The following ERC2 variants were observed in gnomAD, a reference collection of about 807,000 sequenced individuals.
ERC2 encodes the protein ERC protein 2.
ERC2 carries 42 observed loss-of-function variants against 114.8 expected under a neutral mutation model. The observed-to-expected ratio is 0.37, with a 90% CI of 0.29 to 0.47. ERC2 has a LOEUF of 0.47. ERC2 is among the 20% of genes least tolerant of loss of function. ERC2 has a pLI of 0.99. For synonymous variants in ERC2, 454 were observed against 425.5 expected (o/e 1.07, Z -0.82); for missense variants, 939 against 1,150.7 (o/e 0.82, Z 2.66).
chr3:56,088,310 G>C (rs2077611223), intron 6 of ERC2, among the ~76,000 whole-genome samples: 1 of 152,128 alleles, frequency 6.6e-6, no homozygotes, highest in Non-Finnish European at 1.5e-5. Context: ...AAACTCGTAT[G>C]ATTTTGCTGC....
intron 17 of ERC2, among the ~76,000 whole-genome samples, chr3:55,617,319 A>G (rs1346830577): frequency 2.0e-5 from 3 of 152,238 alleles, no homozygotes; most frequent in Admixed American, 1.3e-4. Flanking sequence ...ATGTCCTTCC[A>G]TAAAACCATT....
chr3:56,075,554 T>G (rs991412334), intron 7 of ERC2, among the ~76,000 whole-genome samples: 4 of 152,190 alleles, frequency 2.6e-5, no homozygotes, highest in Non-Finnish European at 5.9e-5. Flanking sequence ...TCAAGTGATT[T>G]CCTTCTGGTA....
At chr3:55,874,528 G>A (rs1029374088) in intron 14 of ERC2, among the ~76,000 whole-genome samples, 2 of 152,072 alleles carry the variant, frequency 1.3e-5, no homozygotes, top group Non-Finnish European at 2.9e-5. Context: ...TATGAGAAAT[G>A]TAAACATTTT....
chr3:55,876,970 T>C (rs1329975176), intron 14 of ERC2, among the ~76,000 whole-genome samples: 1 of 152,210 alleles, frequency 6.6e-6, no homozygotes, highest in East Asian at 1.9e-4. Context: ...CTGATCATTG[T>C]GCTGAACAGG....
chr3:55,854,401 G>C (rs2061702437), intron 14 of ERC2, among the ~76,000 whole-genome samples: 1 of 152,190 alleles, frequency 6.6e-6, no homozygotes, highest in South Asian at 2.1e-4. Context: ...GTTTGGTTTG[G>C]TTTGGTTTGG....
At chr3:55,982,176 T>C (rs114229165) in intron 12 of ERC2, among the ~76,000 whole-genome samples, 2,614 of 152,288 alleles carry the variant, frequency 0.017, 34 homozygotes, top group Non-Finnish European at 0.029. Flanking sequence ...TCATGGAATA[T>C]ATTCAATGAA....
At chr3:56,413,596 G>A (rs1478397407) in intron 2 of ERC2, among the ~76,000 whole-genome samples, 1 of 152,128 alleles carries the variant, frequency 6.6e-6, no homozygotes, top group Non-Finnish European at 1.5e-5. Context: ...GTCAGACACT[G>A]GGGAGAGGAA....
At chr3:55,952,146 C>A (rs11714745) in intron 12 of ERC2, among the ~76,000 whole-genome samples, 26,676 of 81,900 alleles carry the variant, frequency 0.33, 4,602 homozygotes, top group Middle Eastern at 0.42. Flanking sequence ...AACACACACA[C>A]ACACACACAC....
intron 17 of ERC2, among the ~76,000 whole-genome samples, chr3:55,621,264 G>C (rs1432829999): frequency 6.6e-6 from 1 of 152,054 alleles, no homozygotes; most frequent in East Asian, 1.9e-4. Context: ...CCAAGTGGTG[G>C]GCTGGTTAAA....
intron 17 of ERC2, among the ~76,000 whole-genome samples, chr3:55,541,861 G>C (rs1311385736): frequency 6.6e-6 from 1 of 152,184 alleles, no homozygotes; most frequent in Non-Finnish European, 1.5e-5. Flanking sequence ...AATATGCCAA[G>C]TCAATGTTTT....
intron 15 of ERC2, among the ~76,000 whole-genome samples, chr3:55,727,139 T>A (rs1575401646): frequency 6.6e-6 from 1 of 152,310 alleles, no homozygotes; most frequent in Non-Finnish European, 1.5e-5. Flanking sequence ...AATTAATTAT[T>A]TTGATGTCAG....
chr3:56,325,540 G>A (rs1170056387), intron 2 of ERC2, among the ~76,000 whole-genome samples: 3 of 152,060 alleles, frequency 2.0e-5, no homozygotes, highest in African/African-American at 7.2e-5. Context: ...TTCTATTAGT[G>A]AATTTACTAG....
chr3:55,756,795 C>T (rs1277536585), intron 14 of ERC2, among the ~76,000 whole-genome samples: 3 of 152,110 alleles, frequency 2.0e-5, no homozygotes, highest in Admixed American at 6.6e-5. Flanking sequence ...TTCTCGCCTA[C>T]CACCCCATCC....
chr3:55,779,755 G>A (rs528692909), intron 14 of ERC2, among the ~76,000 whole-genome samples: 13 of 152,112 alleles, frequency 8.5e-5, no homozygotes, highest in South Asian at 2.1e-4. Context: ...AACACATTAC[G>A]TTAGTAAGTC....
chr3:55,673,395 C>T (rs2061643831), intron 17 of ERC2, among the ~76,000 whole-genome samples: 1 of 152,050 alleles, frequency 6.6e-6, no homozygotes, highest in Admixed American at 6.5e-5. Flanking sequence ...CCATCCTGGC[C>T]AACATGGTGA....
At chr3:56,412,134 A>T (rs1274745655) in intron 2 of ERC2, among the ~76,000 whole-genome samples, 3 of 152,202 alleles carry the variant, frequency 2.0e-5, no homozygotes, top group African/African-American at 7.2e-5. Context: ...TGACACACTG[A>T]TACACACAAA....
intron 3 of ERC2, among the ~76,000 whole-genome samples, chr3:56,282,969 T>C (rs1256824227): frequency 1.3e-5 from 2 of 152,202 alleles, no homozygotes; most frequent in African/African-American, 2.4e-5. Context: ...TAATGAGTTA[T>C]TCACAAAGGT....
At position 56,051,692 on chromosome 3, in the gene ERC2, G is replaced by T. The variant is rs189672525; in HGVS notation, c.1641+29125C>A. On this transcript the variant is annotated intron_variant, in intron 7 of 17. Coordinates refer to ENST00000288221, the MANE Select transcript of ERC2 (RefSeq NM_015576.3). ...AATACAAAAATTAGCCGGGTATGGT[G>T]GTGTGTGCCTGTAGTCCCAGCTACT... Among the ~76,000 whole-genome samples, 233 of 152,044 alleles carry T rather than the reference G, an allele frequency of 1.5e-3. 2 individuals are homozygous for T. Among genetic ancestry groups the T allele is most frequent in the African/African-American group, 4.8e-3 (201 of 41,468 alleles).
At chr3:56,443,859 A>T (rs2107467342) in intron 1 of ERC2, among the ~76,000 whole-genome samples, 1 of 152,188 alleles carries the variant, frequency 6.6e-6, no homozygotes, top group Middle Eastern at 3.4e-3. Flanking sequence ...TTTAGGAAAA[A>T]AGGTAGCAGT....
Sources: allele counts gnomAD v4.1 joint callset (sites outside exome capture counted in the v4.1 genomes callset), GRCh38; gene constraint gnomAD v4.1.1; transcripts MANE v1.5; gene names NCBI Gene and HGNC (gene_info 2026-07-23, HGNC 2026-07-21).